The following ANKRD12 variants were observed in gnomAD, a reference collection of about 807,000 sequenced individuals.
The protein encoded by ANKRD12 is ankyrin repeat domain 12.
ANKRD12 carries 85 observed loss-of-function variants against 183.4 expected under a neutral mutation model. The observed-to-expected ratio is 0.46, with a 90% CI of 0.39 to 0.56. The LOEUF (loss-of-function observed/expected upper bound fraction) is 0.56, where lower values mean the gene tolerates loss of function less well. Ranked by LOEUF, ANKRD12 falls within the 20% of genes least tolerant of loss-of-function variation. The probability of loss-of-function intolerance (pLI) is 0.00; values close to 1 mark genes in which losing one functional copy is unlikely to be tolerated. For synonymous variants in ANKRD12, 914 were observed against 800.2 expected, an observed-to-expected ratio of 1.14 and a Z score of -2.40; for missense variants, 2,405 against 2,357.1, an observed-to-expected ratio of 1.02 and a Z score of -0.42.
chr18:9,252,563 A>G (rs1310574697), intron 8 of ANKRD12, among the ~76,000 whole-genome samples: 1 of 152,252 alleles, frequency 6.6e-6, no homozygotes, highest in Non-Finnish European at 1.5e-5. Flanking sequence ...AACCATTAGA[A>G]AAAAAGGCAT....
intron 1 of ANKRD12, among the ~76,000 whole-genome samples, chr18:9,167,074 A>G (rs10432145): frequency 0.56 from 85,041 of 151,844 alleles, 24,841 homozygotes; most frequent in South Asian, 0.75. Flanking sequence ...CCATTGGTCT[A>G]TATCTCTGTT....
rs1472659778 is a variant in ANKRD12 at position 9,157,585 on chromosome 18, G to GTGTGTGTGTGTATATATATA, written c.-52+20621_-52+20622insGTGTGTGTGTATATATATAT. Among the ~76,000 whole-genome samples the GTGTGTGTGTGTATATATATA allele has an allele frequency of 1.2e-3, 109 of 92,670 alleles. 2 individuals carry two copies. Among genetic ancestry groups the GTGTGTGTGTGTATATATATA allele is most frequent in the African/African-American group, 5.3e-3 (101 of 19,034 alleles). 60.8% of individuals were successfully genotyped at this position (92,670 alleles called of 152,430 possible). On this transcript the variant is annotated intron_variant, in intron 1 of 12. Coordinates refer to ENST00000262126, the MANE Select transcript of ANKRD12 (RefSeq NM_015208.5). The stretch of plus-strand genomic sequence containing the variant: ...TGTGTGTGTGTGTGTGTGTGTGTGT[G>GTGTGTGTGTGTATATATATA]TATATATATATATATGTATTTTTTT...
intron 8 of ANKRD12, among the ~76,000 whole-genome samples, chr18:9,246,829 A>C (rs569156629): frequency 6.6e-6 from 1 of 152,218 alleles, no homozygotes; most frequent in Admixed American, 6.5e-5. Context: ...TAAATTAGTT[A>C]ATCCTTAAAA....
chr18:9,243,403 C>T (rs928269679), intron 8 of ANKRD12, among the ~76,000 whole-genome samples: 4 of 152,144 alleles, frequency 2.6e-5, no homozygotes, highest in South Asian at 2.1e-4. Context: ...GAGTTTTCCC[C>T]TGTATCAATA....
chr18:9,189,844 C>T (rs1228195275), intron 2 of ANKRD12, among the ~76,000 whole-genome samples: 1 of 152,190 alleles, frequency 6.6e-6, no homozygotes, highest in African/African-American at 2.4e-5. Flanking sequence ...CCCAAGAGCT[C>T]TGACAGAGAC....
At chr18:9,151,851 AAGG>A (rs2078695877) in intron 1 of ANKRD12, among the ~76,000 whole-genome samples, 1 of 152,190 alleles carries the variant, frequency 6.6e-6, no homozygotes, top group South Asian at 2.1e-4. Context: ...GGTCTGTGCT[AAGG>A]TATAATTTTA....
chr18:9,215,123 A>T (rs181550700), intron 6 of ANKRD12, among the ~76,000 whole-genome samples: 2 of 152,172 alleles, frequency 1.3e-5, no homozygotes, highest in Non-Finnish European at 2.9e-5. Context: ...CAGTGAGGAA[A>T]AAAGAAAATC....
intron 1 of ANKRD12, among the ~76,000 whole-genome samples, chr18:9,147,506 G>C (rs1362456299): frequency 1.3e-5 from 2 of 152,138 alleles, no homozygotes; most frequent in Non-Finnish European, 2.9e-5. Flanking sequence ...AAAATAGCAT[G>C]ATGAACTTTC....
chr18:9,148,912 A>AT (rs139603715), intron 1 of ANKRD12, among the ~76,000 whole-genome samples: 11,228 of 151,830 alleles, frequency 0.074, 432 homozygotes, highest in African/African-American at 0.084. Context: ...CTTCAGCCTC[A>AT]TTTTCTGTCC....
intron 7 of ANKRD12, among the ~76,000 whole-genome samples, chr18:9,219,763 A>G (rs970242819): frequency 1.2e-4 from 18 of 152,082 alleles, no homozygotes; most frequent in African/African-American, 2.7e-4. Context: ...GAAAAGAAAA[A>G]AAAAAAAAAG....
At chr18:9,230,280 A>G (rs186824408) in intron 8 of ANKRD12, among the ~76,000 whole-genome samples, 32 of 152,278 alleles carry the variant, frequency 2.1e-4, no homozygotes, top group African/African-American at 7.0e-4. Flanking sequence ...ATAGTTCATA[A>G]TAGTCTCTGG....
intron 8 of ANKRD12, among the ~76,000 whole-genome samples, chr18:9,229,895 A>G (rs2036942802): frequency 6.6e-6 from 1 of 152,152 alleles, no homozygotes; most frequent in Admixed American, 6.5e-5. Context: ...GGATTTTTAC[A>G]TCTTTTCATC....
chr18:9,151,710 G>A (rs753525246), intron 1 of ANKRD12, among the ~76,000 whole-genome samples: 3 of 152,080 alleles, frequency 2.0e-5, no homozygotes, highest in Non-Finnish European at 4.4e-5. Context: ...CCCTGAAAGC[G>A]GCTGCAGCTC....
chr18:9,256,592 C>T lies in ANKRD12; in HGVS notation c.3325C>T (p.Arg1109Trp), dbSNP rs147049074. 15 of 1,601,058 alleles carry T rather than the reference C, an allele frequency of 9.4e-6. No homozygotes were observed. Among genetic ancestry groups the T allele is most frequent in the Non-Finnish European group, 1.1e-5 (13 of 1,177,066 alleles). Residue 1109 changes from arginine (R) to tryptophan (W), a missense_variant, in exon 9 of 13, where the codon CGG (arginine) becomes TGG (tryptophan). Arg to Trp is a moderately radical substitution (Grantham distance 101). Around this residue, in one of 7 missense-constraint regions of ANKRD12, gnomAD observed 1,983 missense variants for 1,725.9 expected, o/e 1.15. Transcript: ENST00000262126. ...AAAAATTAAGCAAAAAGAAAAGGAA[C>T]GGTTGAGAAACCGAAACTGTTTAGA... ...KEKIKQKEKE[R>W]LRNRNCLELK...
At chr18:9,157,184 C>G (rs1442582347) in intron 1 of ANKRD12, among the ~76,000 whole-genome samples, 1 of 152,146 alleles carries the variant, frequency 6.6e-6, no homozygotes, top group Non-Finnish European at 1.5e-5. Context: ...CATTAATACA[C>G]CTAGTCTACT....
rs116726679 is a variant in ANKRD12 at position 9,255,541 on chromosome 18, C to G, written c.2274C>G (p.Ser758Arg). ...KEERDKIKKE[S>R]EKSFREEKIK... is the part of the protein sequence containing the mutation. ...AACGAGACAAGATTAAAAAGGAAAG[C>G]GAGAAATCTTTTAGGGAGGAAAAAA... The change falls in exon 9 of 13, where the codon AGC becomes AGG. Residue 758 changes from serine (S) to arginine (R), a missense_variant. Transcript: ENST00000262126. The G allele has an allele frequency of 1.3e-6, 2 of 1,572,588 alleles. No homozygotes were observed. The highest frequency in any genetic ancestry group is 2.4e-5 in the South Asian group (2 of 82,370).
chr18:9,278,594 C>T (rs191019740), intron 11 of ANKRD12, among the ~76,000 whole-genome samples: 47 of 152,156 alleles, frequency 3.1e-4, no homozygotes, highest in Non-Finnish European at 4.9e-4. Flanking sequence ...GTCAGGAGTT[C>T]GAGACCAGCC....
chr18:9,232,207 T>TG (rs1338101618), intron 8 of ANKRD12, among the ~76,000 whole-genome samples: 3 of 152,248 alleles, frequency 2.0e-5, no homozygotes, highest in Admixed American at 6.5e-5. Context: ...GTGTATTTGC[T>TG]TTACCAGTGA....
chr18:9,146,874 A>C (rs1454451478), intron 1 of ANKRD12, among the ~76,000 whole-genome samples: 1 of 152,226 alleles, frequency 6.6e-6, no homozygotes, highest in African/African-American at 2.4e-5. Flanking sequence ...TGAGCAGGAT[A>C]AAGAAAAACG....
Sources: allele counts gnomAD v4.1 joint callset (sites outside exome capture counted in the v4.1 genomes callset), GRCh38; gene constraint gnomAD v4.1.1; regional missense constraint gnomAD v4.1.1; transcripts MANE v1.5; gene names NCBI Gene and HGNC (gene_info 2026-07-23, HGNC 2026-07-21).